Variants in ITSN1 observed in about 807,000 individuals in gnomAD.
ITSN1 encodes intersectin-1.
Under a neutral mutation model 239.8 loss-of-function variants are expected in ITSN1, and 58 were observed. The observed-to-expected ratio is 0.24, with a 90% CI of 0.20 to 0.30. The LOEUF is 0.30. Ranked by LOEUF, ITSN1 falls within the 10% of genes least tolerant of loss-of-function variation. ITSN1 has a pLI of 1.00. For synonymous variants in ITSN1, 780 were observed against 770.8 expected (o/e 1.01, Z -0.20); for missense variants, 1,558 against 2,103.3 (o/e 0.74, Z 5.07).
Position 33,649,877 on chromosome 21 carries a change from G to A in ITSN1, c.-33+7164G>A, listed in dbSNP as rs113736508. Among the ~76,000 whole-genome samples the A allele has an allele frequency of 4.3e-3, 647 of 151,994 alleles. 7 individuals carry two copies. Among genetic ancestry groups the A allele is most frequent in the African/African-American group, 0.015 (623 of 41,436 alleles). On this transcript the variant is annotated intron_variant, in intron 1 of 39. Coordinates refer to ENST00000381318, the MANE Select transcript of ITSN1 (RefSeq NM_003024.3). ...TAAAAAATACAAAAATTAGGCGGGC[G>A]TGGTGGCGCACAAGTGTAATCCCAG... is the stretch of plus-strand genomic sequence containing the variant.
chr21:33,774,675 A>ATT, intron 12 of ITSN1, 54 bp from the exon 13 acceptor site: 1 of 1,539,626 alleles, frequency 6.5e-7, no homozygotes, highest in Middle Eastern at 1.7e-4. Flanking sequence ...GTGAAAAGAC[A>ATT]TTGTGTAGTG....
intron 20 of ITSN1, among the ~76,000 whole-genome samples, chr21:33,809,999 G>T (rs970569534): frequency 5.3e-4 from 80 of 152,122 alleles, no homozygotes; most frequent in African/African-American, 1.9e-3. Flanking sequence ...CACTGTGTTG[G>T]TCAGGCTGGT....
At chr21:33,735,886 C>T (rs2066470332) in intron 5 of ITSN1, among the ~76,000 whole-genome samples, 1 of 151,970 alleles carries the variant, frequency 6.6e-6, no homozygotes, top group Non-Finnish European at 1.5e-5. Context: ...CACCTGTAAT[C>T]CCAGCTACTC....
At chr21:33,727,922 T>C (rs1229627249) in intron 4 of ITSN1, among the ~76,000 whole-genome samples, 1 of 151,980 alleles carries the variant, frequency 6.6e-6, no homozygotes, top group Non-Finnish European at 1.5e-5. Context: ...GGTTCTCTCT[T>C]TCACACTTGC....
At chr21:33,749,861 CTCA>C (rs1569092400) in intron 5 of ITSN1, among the ~76,000 whole-genome samples, 1 of 151,924 alleles carries the variant, frequency 6.6e-6, no homozygotes, top group East Asian at 1.9e-4. Context: ...TCATTTTGAA[CTCA>C]TGGATTTAAT....
chr21:33,736,005 G>A (rs1450260979), intron 5 of ITSN1, among the ~76,000 whole-genome samples: 3 of 152,058 alleles, frequency 2.0e-5, no homozygotes, highest in Non-Finnish European at 4.4e-5. Flanking sequence ...CAAAACAAAC[G>A]TGATTCCATA....
chr21:33,759,079 C>T (rs1270957413), intron 8 of ITSN1, among the ~76,000 whole-genome samples: 1 of 152,198 alleles, frequency 6.6e-6, no homozygotes, highest in Non-Finnish European at 1.5e-5. Flanking sequence ...CAAACATTTT[C>T]TGTAAAGAAT....
intron 5 of ITSN1, among the ~76,000 whole-genome samples, chr21:33,746,042 T>C (rs1349235247): frequency 6.6e-6 from 1 of 152,178 alleles, no homozygotes; most frequent in Non-Finnish European, 1.5e-5. Context: ...TTCCGTCCCA[T>C]CATTGGCTGA....
At chr21:33,789,495 C>T (rs1049093116) in intron 16 of ITSN1, among the ~76,000 whole-genome samples, 5 of 151,954 alleles carry the variant, frequency 3.3e-5, no homozygotes, top group African/African-American at 1.2e-4. Flanking sequence ...CTGAGGCGAA[C>T]CAAAAGCAAA....
rs1034722206 is a variant in ITSN1, at chr21:33,891,657, G to A, written c.*3357G>A. 7 of 152,252 alleles carry A rather than the reference G, an allele frequency of 4.6e-5. No homozygotes were observed. The highest frequency in any genetic ancestry group is 1.7e-4 in the African/African-American group (7 of 41,518). 9.4% of individuals were successfully genotyped at this position (152,252 alleles called of 1,614,324 possible). A position where few individuals can be genotyped will look rare whatever the true frequency, so the allele number is the denominator to read the frequency against. ...CGGCTGTCTCTCCAGGAACTGGCTA[G>A]GACAAGTGTAAAGCCACTGACCACA... is the stretch of plus-strand genomic sequence containing the variant. On this transcript the variant is annotated 3_prime_UTR_variant, in exon 40 of 40. Transcript: ENST00000381318.
chr21:33,767,661 C>G lies in ITSN1; in HGVS notation c.927-52C>G, dbSNP rs571728817. The stretch of plus-strand genomic sequence containing the variant: ...ATCCTTCTTCATAACTTGTCCAACT[C>G]CACCCAGACAGCTCTGTGTGAATCT... On this transcript the variant is annotated intron_variant, in intron 10 of 39. Coordinates refer to ENST00000381318, the MANE Select transcript of ITSN1 (RefSeq NM_003024.3). The G allele has an allele frequency of 3.1e-5, 31 of 1,005,144 alleles. No homozygotes were observed. In the South Asian group the frequency reaches 3.5e-4, roughly 11 times the overall value. 62.3% of individuals were successfully genotyped at this position (1,005,144 alleles called of 1,614,324 possible).
intron 34 of ITSN1, among the ~76,000 whole-genome samples, chr21:33,878,044 G>GTT (rs1984287762): frequency 1.4e-5 from 2 of 143,904 alleles, no homozygotes; most frequent in South Asian, 2.1e-4. Context: ...GTGTGTGTGT[G>GTT]TGTTTGTTTT....
intron 1 of ITSN1, among the ~76,000 whole-genome samples, chr21:33,711,284 TTC>T (rs1362093664): frequency 6.6e-6 from 1 of 152,152 alleles, no homozygotes; most frequent in Admixed American, 6.5e-5. Context: ...CGATTTTTTT[TTC>T]TCTCTGTATC....
At chr21:33,869,007 A>T (rs180790176) in intron 33 of ITSN1, among the ~76,000 whole-genome samples, 1 of 152,184 alleles carries the variant, frequency 6.6e-6, no homozygotes, top group Non-Finnish European at 1.5e-5. Context: ...GGAATCACAG[A>T]AACAGTCTGT....
chr21:33,866,081 G>A (rs1981519910), intron 32 of ITSN1, among the ~76,000 whole-genome samples: 2 of 152,200 alleles, frequency 1.3e-5, no homozygotes, highest in African/African-American at 2.4e-5. Flanking sequence ...AATAATAACA[G>A]GCATATCTTT....
rs1326230839 is a variant in ITSN1 at position 33,765,948 on chromosome 21, G to A, written c.862G>A (p.Val288Ile). The change falls in exon 10 of 40, where the codon GTA becomes ATA. Residue 288 changes from valine to isoleucine, a missense_variant. By Grantham distance (29) the Val-to-Ile change is conservative (BLOSUM62 3). Transcript: ENST00000381318. ...TATCCTGGCAATGCACCTCATTGATGTAGCTATGTCTGGCCAACCACTGCC... is the reference window on the plus strand; with the variant it reads ...TATCCTGGCAATGCACCTCATTGATATAGCTATGTCTGGCCAACCACTGCC... Reference protein sequence around the residue: ...EFILAMHLIDVAMSGQPLPPV... With the variant: ...EFILAMHLIDIAMSGQPLPPV... The A allele has an allele frequency of 6.2e-7, 1 of 1,614,132 alleles. No individual in the cohort carries two copies. Among genetic ancestry groups the A allele is most frequent in the East Asian group, 2.2e-5 (1 of 44,886 alleles).
intron 6 of ITSN1, among the ~76,000 whole-genome samples, chr21:33,751,161 C>T (rs1469737761): frequency 6.6e-6 from 1 of 152,146 alleles, no homozygotes; most frequent in Non-Finnish European, 1.5e-5. Context: ...ATGACCATGA[C>T]TGTGGACATG....
intron 27 of ITSN1, 36 bp from the exon 28 acceptor site, chr21:33,834,271 C>T (rs1019153794): frequency 1.3e-5 from 19 of 1,494,696 alleles, no homozygotes; most frequent in East Asian, 2.3e-5. Context: ...AAAGATGCGC[C>T]TTTAAAAATG....
At chr21:33,843,503 C>T (rs1336617555) in intron 29 of ITSN1, among the ~76,000 whole-genome samples, 1 of 152,246 alleles carries the variant, frequency 6.6e-6, no homozygotes, top group Non-Finnish European at 1.5e-5. Flanking sequence ...AATGTAAGAA[C>T]ATGTGCTGCT....
Sources: allele counts gnomAD v4.1 joint callset (sites outside exome capture counted in the v4.1 genomes callset), GRCh38; gene constraint gnomAD v4.1.1; transcripts MANE v1.5; gene names NCBI Gene and HGNC (gene_info 2026-07-23, HGNC 2026-07-21).